Variants in RMND1 observed in about 807,000 individuals in gnomAD.
RMND1 encodes required for meiotic nuclear division 1 homolog.
Under a neutral mutation model 54.0 loss-of-function variants are expected in RMND1, and 41 were observed. The observed-to-expected ratio is 0.76, with a 90% CI of 0.59 to 0.98. RMND1 has a LOEUF of 0.98. Among genes scored for constraint, RMND1 ranks in the 50% least tolerant of loss-of-function variants. The pLI is 0.00. For missense variants in RMND1, 457 were observed against 532.0 expected (o/e 0.86, Z 1.39); for synonymous variants, 183 against 181.7 (o/e 1.01, Z -0.06).
intron 1 of RMND1, among the ~76,000 whole-genome samples, chr6:151,450,419 G>T (rs1201740843): frequency 9.4e-6 from 1 of 106,464 alleles, no homozygotes; most frequent in Non-Finnish European, 2.0e-5. Flanking sequence ...TCAGCCCCCC[G>T]CCCGGCCAGC....
chr6:151,433,771 G>T (rs1780512080), intron 3 of RMND1, among the ~76,000 whole-genome samples: 2 of 151,940 alleles, frequency 1.3e-5, no homozygotes, highest in South Asian at 4.2e-4. Context: ...TGATTTCAAG[G>T]TTAATCACTA....
chr6:151,427,229 A>G (rs1780325749), intron 6 of RMND1, among the ~76,000 whole-genome samples: 1 of 152,028 alleles, frequency 6.6e-6, no homozygotes, highest in South Asian at 2.1e-4. Flanking sequence ...ACAAAAAATT[A>G]GCTGGGCGTG....
Position 151,438,596 on chromosome 6 carries a change from A to T in RMND1, c.505-2042T>A, listed in dbSNP as rs202140266. On this transcript the variant is annotated intron_variant, in intron 2 of 11. Coordinates refer to ENST00000444024, the MANE Select transcript of RMND1 (RefSeq NM_017909.4). ...ATTCAAATTGACTTGTCAACAATAAACTGAGAGATTTCACACAAAATCCAG... is the reference window on the plus strand; with the variant it reads ...ATTCAAATTGACTTGTCAACAATAATCTGAGAGATTTCACACAAAATCCAG... Among the ~76,000 whole-genome samples, 4 of 152,086 alleles carry T rather than the reference A, an allele frequency of 2.6e-5. No homozygotes were observed. The East Asian group carries it at 7.7e-4, about 29-fold the overall frequency.
At chr6:151,444,989 T>C (rs1481358107) in intron 2 of RMND1, 1 of 201,684 alleles carries the variant, frequency 5.0e-6, no homozygotes, top group Non-Finnish European at 9.8e-6. Flanking sequence ...TTTTATTTTA[T>C]TTTTTTTTAC....
intron 4 of RMND1, among the ~76,000 whole-genome samples, chr6:151,431,663 A>C (rs1319553904): frequency 6.6e-6 from 1 of 152,188 alleles, no homozygotes; most frequent in African/African-American, 2.4e-5. Context: ...TGCCTGGTGC[A>C]AACTGAGATG....
Position 151,423,576 on chromosome 6 carries a change from C to G in RMND1, c.886G>C (p.Asp296His), listed in dbSNP as rs1415464813. The G allele has an allele frequency of 6.2e-7, 1 of 1,614,020 alleles. No individual in the cohort carries two copies. Among genetic ancestry groups the G allele is most frequent in the South Asian group, 1.1e-5 (1 of 91,080 alleles). Residue 296 changes from aspartate to histidine, a missense_variant, in exon 7 of 12, where the codon GAT becomes CAT. By Grantham distance (81) the Asp-to-His change is moderately conservative. Coordinates refer to ENST00000444024, the MANE Select transcript of RMND1 (RefSeq NM_017909.4). ...EIKLNSELDLDDAILEKFAFS... is the reference protein window; with the variant it reads ...EIKLNSELDLHDAILEKFAFS... ...GCAAACTTCTCTAGAATGGCATCAT[C>G]TAAATCCAGCTCTGAATTTAACTTG...
At chr6:151,410,290 T>C (rs113539046) in intron 10 of RMND1, among the ~76,000 whole-genome samples, 15,613 of 152,124 alleles carry the variant, frequency 0.1, 881 homozygotes, top group Middle Eastern at 0.21. Flanking sequence ...CTCCTGACCT[T>C]GTGATCCGCC....
At chr6:151,424,014 A>T (rs1562790092) in intron 6 of RMND1, among the ~76,000 whole-genome samples, 1 of 151,634 alleles carries the variant, frequency 6.6e-6, no homozygotes, top group African/African-American at 2.4e-5. Flanking sequence ...CACCCAGCTA[A>T]TTTTTTTTGT....
At chr6:151,443,372 C>A (rs1327512650) in intron 2 of RMND1, among the ~76,000 whole-genome samples, 1 of 152,148 alleles carries the variant, frequency 6.6e-6, no homozygotes, top group African/African-American at 2.4e-5. Context: ...AGTGCAGTGG[C>A]ATGATCTCAG....
At chr6:151,421,562 T>C (rs561361011) in intron 8 of RMND1, among the ~76,000 whole-genome samples, 1 of 152,178 alleles carries the variant, frequency 6.6e-6, no homozygotes, top group Non-Finnish European at 1.5e-5. Flanking sequence ...GATATATACA[T>C]TCCTAATCTC....
At chr6:151,445,965 A>G (rs1780942446) in intron 1 of RMND1, 140 bp from the exon 2 acceptor site, 1 of 786,630 alleles carries the variant, frequency 1.3e-6, no homozygotes. Flanking sequence ...GTAAAAGAAC[A>G]AGGTTAAAAA....
In RMND1 at chr6:151,427,480, A is replaced by C. The variant is rs1393278063; in HGVS notation, c.830+2T>G. On this transcript the variant is annotated splice_donor_variant, in intron 6 of 11. Coordinates refer to ENST00000444024, the MANE Select transcript of RMND1 (RefSeq NM_017909.4). LOFTEE classifies it high-confidence loss of function. ...TCATAAATTTGATGAAAAGTTGCTT[A>C]CTCTATTTTTATGTAGTTAAGTTCT... 1.3e-6 allele frequency: 2 copies of C among 1,564,522 alleles called. No homozygotes were observed. Among genetic ancestry groups the C allele is most frequent in the Admixed American group, 1.7e-5 (1 of 59,724 alleles).
chr6:151,408,441 A>G (rs1779704816), intron 10 of RMND1, among the ~76,000 whole-genome samples: 1 of 151,998 alleles, frequency 6.6e-6, no homozygotes, highest in South Asian at 2.1e-4. Flanking sequence ...GCAGTGAGCC[A>G]AGACCACGGC....
At chr6:151,414,254 G>A (rs942001869) in intron 10 of RMND1, among the ~76,000 whole-genome samples, 2 of 152,102 alleles carry the variant, frequency 1.3e-5, no homozygotes, top group Admixed American at 6.6e-5. Context: ...TAAAAAAAAG[G>A]TTAGTAGAAA....
At chr6:151,427,375 C>CAAAA in intron 6 of RMND1, 107 bp downstream of exon 6, 4 of 478,748 alleles carry the variant, frequency 8.4e-6, no homozygotes, top group East Asian at 4.0e-5. Flanking sequence ...GACTCCGTCT[C>CAAAA]AAAAAAAAAA....
At chr6:151,436,857 T>C (rs1454833214) in intron 2 of RMND1, 1 of 213,792 alleles carries the variant, frequency 4.7e-6, no homozygotes, top group African/African-American at 2.3e-5. Flanking sequence ...GAATGCAAAA[T>C]AGAGATGATT....
intron 10 of RMND1, among the ~76,000 whole-genome samples, chr6:151,406,359 T>TTG (rs1562780174): frequency 0.023 from 2,614 of 114,386 alleles, 70 homozygotes; most frequent in African/African-American, 0.098. Context: ...AACTTTTTTT[T>TTG]TTGTTGTTGT....
chr6:151,450,281 A>C (rs1245475553), intron 1 of RMND1, among the ~76,000 whole-genome samples: 2 of 149,114 alleles, frequency 1.3e-5, no homozygotes, highest in Non-Finnish European at 3.0e-5. Flanking sequence ...GGATGTGAGG[A>C]GCGCCTCTGC....
chr6:151,448,614 A>C lies in RMND1; in HGVS notation c.-14-2789T>G, dbSNP rs544792965. Among the ~76,000 whole-genome samples the C allele has an allele frequency of 1.8e-4, 28 of 152,308 alleles. 1 individual carries two copies. The South Asian group carries it at 4.1e-3, about 23-fold the overall frequency. The stretch of plus-strand genomic sequence containing the variant: ...GGACCACTGCTCATCATCAGTAATA[A>C]TACTACCTGATCCAAACTGCTATCC... On this transcript the variant is annotated intron_variant, in intron 1 of 11. Transcript: ENST00000444024.
Sources: gnomAD v4.1 joint callset for allele counts (sites outside exome capture counted in the v4.1 genomes callset) on GRCh38, gnomAD v4.1.1 for gene constraint, MANE v1.5 for transcripts, NCBI Gene and HGNC (gene_info 2026-07-23, HGNC 2026-07-21) for gene names.